Variants in SOX5 observed in about 807,000 individuals in gnomAD.
SOX5 encodes transcription factor SOX-5.
In SOX5, 9 loss-of-function variants were observed where a neutral mutation model predicts 92.0. The observed-to-expected ratio is 0.10, with a 90% CI of 0.06 to 0.17. The LOEUF (loss-of-function observed/expected upper bound fraction) is 0.17, where lower values mean the gene tolerates loss of function less well. SOX5 is among the 10% of genes least tolerant of loss of function. SOX5 has a pLI of 1.00. For synonymous variants in SOX5, 344 were observed against 336.3 expected (o/e 1.02, Z -0.25); for missense variants, 642 against 944.5 (o/e 0.68, Z 4.20).
intron 4 of SOX5, among the ~76,000 whole-genome samples, chr12:24,086,268 G>A (rs2137689241): frequency 6.6e-6 from 1 of 151,800 alleles, no homozygotes; most frequent in Admixed American, 6.6e-5. Context: ...AATCTGTGAA[G>A]TATAATAAGT....
At chr12:24,394,786 T>C (rs1596258070) in intron 1 of SOX5, among the ~76,000 whole-genome samples, 1 of 152,214 alleles carries the variant, frequency 6.6e-6, no homozygotes, top group African/African-American at 2.4e-5. Flanking sequence ...AAAATGAAGA[T>C]GAAAACAAGA....
At chr12:24,207,192 T>A (rs1958108712) in intron 4 of SOX5, among the ~76,000 whole-genome samples, 1 of 152,234 alleles carries the variant, frequency 6.6e-6, no homozygotes, top group Non-Finnish European at 1.5e-5. Flanking sequence ...AGAAAGATCC[T>A]TTTCTGTTAT....
intron 1 of SOX5, among the ~76,000 whole-genome samples, chr12:24,433,290 A>G (rs1468098634): frequency 3.3e-5 from 5 of 152,250 alleles, no homozygotes; most frequent in Admixed American, 1.3e-4. Flanking sequence ...TTCTATAAAA[A>G]TGAATTGGAA....
intron 2 of SOX5, among the ~76,000 whole-genome samples, chr12:24,352,591 A>G (rs1954224534): frequency 6.6e-6 from 1 of 152,146 alleles, no homozygotes; most frequent in African/African-American, 2.4e-5. Context: ...TTCAAAAGTT[A>G]TTTTACTCAG....
At chr12:24,281,402 C>A (rs1479477370) in intron 2 of SOX5, among the ~76,000 whole-genome samples, 1 of 152,104 alleles carries the variant, frequency 6.6e-6, no homozygotes, top group Non-Finnish European at 1.5e-5. Context: ...TGTCCCTCAA[C>A]ACAGAATAAA....
chr12:24,328,346 C>T (rs1950942549), intron 2 of SOX5, among the ~76,000 whole-genome samples: 1 of 152,160 alleles, frequency 6.6e-6, no homozygotes, highest in African/African-American at 2.4e-5. Context: ...GAACAATCAG[C>T]TTAAGAAGTT....
Position 24,007,149 on chromosome 12 carries a change from ATATATATATATACATTTATATATGTATT to A in SOX5, c.-1-111153_-1-111126del, listed in dbSNP as rs1296628545. Among the ~76,000 whole-genome samples, 20 of 77,234 alleles carry A rather than the reference ATATATATATATACATTTATATATGTATT, an allele frequency of 2.6e-4. 2 individuals carry two copies. The highest frequency in any genetic ancestry group is 8.1e-4 in the African/African-American group (19 of 23,486). The allele number at this position is 77,234 out of a possible 152,430, so 50.7% of individuals were successfully genotyped here. Reference sequence around the variant, plus strand: ...CTCCATCTCAAAAAAAAATATATATATATATATATATACATTTATATATGTATTTATATATATAAATGTATATAAATGT... The same window carrying A: ...CTCCATCTCAAAAAAAAATATATATATATATATATAAATGTATATAAATGT... On this transcript the variant is annotated intron_variant, in intron 4 of 4. Transcript: ENST00000446891.
chr12:23,816,448 G>A (rs897423542), intron 3 of SOX5, among the ~76,000 whole-genome samples: 2 of 152,032 alleles, frequency 1.3e-5, no homozygotes, highest in African/African-American at 2.4e-5. Context: ...CTGACCTCAT[G>A]ATCTGCCTGC....
chr12:23,566,424 G>A (rs1268237651), intron 10 of SOX5, among the ~76,000 whole-genome samples: 4 of 152,176 alleles, frequency 2.6e-5, no homozygotes, highest in African/African-American at 9.7e-5. Context: ...CATTTCTTGA[G>A]AGGGAATGAC....
At chr12:24,357,132 ATTTTGAGAGACTAATAGATAAGT>A (rs1478969060) in intron 2 of SOX5, among the ~76,000 whole-genome samples, 1 of 152,194 alleles carries the variant, frequency 6.6e-6, no homozygotes, top group East Asian at 1.9e-4. Context: ...TGTGGATTAC[ATTTTGAGAGACTAATAGATAAGT>A]GGGGCATGGT....
intron 4 of SOX5, among the ~76,000 whole-genome samples, chr12:24,009,700 T>A (rs1010151287): frequency 6.6e-6 from 1 of 152,184 alleles, no homozygotes; most frequent in Non-Finnish European, 1.5e-5. Flanking sequence ...AATGGAAGCT[T>A]ACAGATGGCC....
In SOX5 at chr12:24,463,555, G is replaced by T. The variant is rs190360342; in HGVS notation, c.-250-94916C>A. 2.1e-3 allele frequency among the ~76,000 whole-genome samples: 314 copies of T among 152,198 alleles called. 3 individuals carry two copies. The highest frequency in any genetic ancestry group is 7.1e-3 in the African/African-American group (293 of 41,526). ...ATTTTATCTAACTAATAAACCTGTGGCTTCATAAACCCACAAAGCTCCCGT... is the reference window on the plus strand; with the variant it reads ...ATTTTATCTAACTAATAAACCTGTGTCTTCATAAACCCACAAAGCTCCCGT... On this transcript the variant is annotated intron_variant, in intron 1 of 4. Coordinates refer to the SOX5 transcript ENST00000446891.
chr12:24,376,690 C>T (rs12819825), intron 1 of SOX5, among the ~76,000 whole-genome samples: 5,836 of 70,638 alleles, frequency 0.083, 272 homozygotes, highest in Middle Eastern at 0.091. Flanking sequence ...GGAGAGATAC[C>T]TTTTTTTTTT....
At chr12:23,836,912 T>C (rs1018530300) in intron 3 of SOX5, among the ~76,000 whole-genome samples, 5 of 151,904 alleles carry the variant, frequency 3.3e-5, no homozygotes, top group Non-Finnish European at 7.4e-5. Flanking sequence ...GTTGTTCCCA[T>C]TACAGAGCTA....
chr12:23,624,679 T>G lies in SOX5; in HGVS notation c.1017+16133A>C, dbSNP rs141158598. Among the ~76,000 whole-genome samples the G allele has an allele frequency of 2.0e-3, 306 of 152,302 alleles. 4 individuals carry two copies. Among genetic ancestry groups the G allele is most frequent in the Admixed American group, 0.015 (228 of 15,300 alleles). On this transcript the variant is annotated intron_variant, in intron 8 of 14. Transcript: ENST00000451604. ...CTTTCTGAGGAGGAGATTGGAGAAT[T>G]GCTTTCTGAGGTTGTCAAGGAGATC...
At chr12:23,696,391 C>T (rs1427748098) in intron 6 of SOX5, among the ~76,000 whole-genome samples, 4 of 151,978 alleles carry the variant, frequency 2.6e-5, no homozygotes, top group Non-Finnish European at 4.4e-5. Flanking sequence ...ATATAAGTTG[C>T]CAAATTTATG....
chr12:24,533,034 A>T (rs896117554), intron 1 of SOX5, among the ~76,000 whole-genome samples: 4 of 152,356 alleles, frequency 2.6e-5, no homozygotes, highest in African/African-American at 9.6e-5. Context: ...AGAAGTCTAT[A>T]TCCTCAATGA....
At chr12:24,038,740 A>C (rs1361965310) in intron 4 of SOX5, among the ~76,000 whole-genome samples, 1 of 152,062 alleles carries the variant, frequency 6.6e-6, no homozygotes, top group East Asian at 1.9e-4. Flanking sequence ...CGTATTATTC[A>C]CTCCTGAGTA....
intron 4 of SOX5, among the ~76,000 whole-genome samples, chr12:24,156,961 G>A (rs954657729): frequency 6.6e-6 from 1 of 152,002 alleles, no homozygotes; most frequent in Non-Finnish European, 1.5e-5. Context: ...CAAGTTATAG[G>A]ACATATTCTG....
Sources: allele counts gnomAD v4.1 joint callset (sites outside exome capture counted in the v4.1 genomes callset), GRCh38; gene constraint gnomAD v4.1.1; transcripts MANE v1.5; gene names NCBI Gene and HGNC (gene_info 2026-07-23, HGNC 2026-07-21).